NID2: variants seen among roughly 807,000 people sequenced by gnomAD.
The protein encoded by NID2 is nidogen-2.
NID2 carries 83 observed loss-of-function variants against 145.4 expected under a neutral mutation model. The ratio of observed to expected loss-of-function variants is 0.57; its 90% CI spans 0.48 to 0.69. The LOEUF (loss-of-function observed/expected upper bound fraction) is 0.69. Ranked by LOEUF, NID2 falls within the 30% of genes least tolerant of loss-of-function variation. The pLI, the probability that NID2 is intolerant of heterozygous loss-of-function variation, is 0.00. For synonymous variants in NID2, 739 were observed against 701.3 expected (o/e 1.05, Z -0.85); for missense variants, 1,807 against 1,765.7 (o/e 1.02, Z -0.42).
rs149341928 is a variant in NID2 at position 52,010,957 on chromosome 14, A to G, written c.3641T>C (p.Leu1214Pro). ...DSVLDKIESA[L>P]LDGSERKVLF... ...GACCTTGCGCTCAGAGCCATCCAGC[A>G]GGGCGCTCTCTATCTTATCCAGGAC... The change falls in exon 18 of 22, where the codon CTG (leucine) becomes CCG (proline). Residue 1214 changes from leucine (L) to proline (P), a missense_variant. Transcript: ENST00000216286. The G allele has an allele frequency of 2.5e-6, 4 of 1,614,034 alleles. No individual in the cohort carries two copies. In the African/African-American group the frequency reaches 4.0e-5, roughly 16 times the overall value.
chr14:52,006,655 T>C lies in NID2; in HGVS notation c.3886A>G (p.Lys1296Glu). The change falls in exon 20 of 22, where the codon AAA (lysine) becomes GAA (glutamate). Residue 1296 changes from lysine (K) to glutamate (E), a missense_variant. By Grantham distance (56) the Lys-to-Glu change is moderately conservative (BLOSUM62 1). Transcript: ENST00000216286. ...TCAGGTAGTGTACACTCCAGTTTTT[T>C]GGTTCCTTTTAAAACAAAGGGGGAA... is the stretch of plus-strand genomic sequence containing the variant. The part of the protein sequence containing the change: ...KLLCWADAGT[K>E]KLECTLPDGT... The C allele has an allele frequency of 6.2e-7, 1 of 1,613,374 alleles. No individual in the cohort carries two copies. Among genetic ancestry groups the C allele is most frequent in the Non-Finnish European group, 8.5e-7 (1 of 1,179,528 alleles).
intron 12 of NID2, among the ~76,000 whole-genome samples, chr14:52,026,557 T>C (rs1891593811): frequency 1.3e-5 from 2 of 152,260 alleles, no homozygotes; most frequent in Admixed American, 6.5e-5. Flanking sequence ...TGATTTCTAT[T>C]TTAAAGTACT....
chr14:52,014,065 G>A, intron 16 of NID2: 1 of 608,678 alleles, frequency 1.6e-6, no homozygotes, highest in South Asian at 1.9e-5. Flanking sequence ...GAAACTCCAT[G>A]AACGAACCAG....
chr14:52,006,455 G>A, intron 20 of NID2, 82 bp downstream of exon 20: 1 of 1,514,456 alleles, frequency 6.6e-7, no homozygotes, highest in South Asian at 1.2e-5. Context: ...GTCAAGTCAG[G>A]TACTGACTTT....
At chr14:52,023,839 CT>C (rs1356483449) in intron 12 of NID2, among the ~76,000 whole-genome samples, 5 of 152,206 alleles carry the variant, frequency 3.3e-5, no homozygotes, top group Admixed American at 3.3e-4. Context: ...AGTGCAGCCT[CT>C]CCAGGGAGCC....
intron 18 of NID2, 78 bp downstream of exon 18, chr14:52,010,798 C>T: frequency 7.1e-7 from 1 of 1,417,926 alleles, no homozygotes; most frequent in Non-Finnish European, 9.8e-7. Flanking sequence ...TTCTGACCTT[C>T]CCCACATTGT....
chr14:52,030,173 A>G, intron 9 of NID2, among the ~76,000 whole-genome samples: 1 of 152,174 alleles, frequency 6.6e-6, no homozygotes, highest in Admixed American at 6.5e-5. Flanking sequence ...TCTTACTAAA[A>G]TTCCCAATTT....
intron 10 of NID2, among the ~76,000 whole-genome samples, chr14:52,029,178 G>T (rs950479744): frequency 6.6e-6 from 1 of 151,854 alleles, no homozygotes; most frequent in South Asian, 2.1e-4. Flanking sequence ...TGCCTTTTGG[G>T]GATATAAGAC....
chr14:52,017,466 C>T (rs1043089685), intron 14 of NID2, among the ~76,000 whole-genome samples: 3 of 152,200 alleles, frequency 2.0e-5, no homozygotes, highest in African/African-American at 7.2e-5. Flanking sequence ...GGAAAAAGTC[C>T]GCACAAGAGA....
At chr14:52,068,738 G>T in intron 1 of NID2, 29 bp downstream of exon 1, 22 of 1,576,294 alleles carry the variant, frequency 1.4e-5, no homozygotes, top group Non-Finnish European at 1.6e-5. Context: ...GAAGCTGCGG[G>T]AAAAGTGCCA....
chr14:52,048,487 G>A (rs1003037403), intron 5 of NID2, among the ~76,000 whole-genome samples: 3 of 152,078 alleles, frequency 2.0e-5, no homozygotes, highest in Non-Finnish European at 2.9e-5. Context: ...TAGATGAGAT[G>A]TGCAATAAAC....
chr14:52,006,701 TTGCCAAAAATGATAGTGACATAGTG>T, intron 19 of NID2, 41 bp from the exon 20 acceptor site: 1 of 1,608,594 alleles, frequency 6.2e-7, no homozygotes. Flanking sequence ...TTCAGCTGCT[TTGCCAAAAATGATAGTGACATAGTG>T]ATAGTGACAC....
chr14:52,038,130 G>A (rs749867346), intron 9 of NID2, among the ~76,000 whole-genome samples: 1 of 152,104 alleles, frequency 6.6e-6, no homozygotes, highest in Non-Finnish European at 1.5e-5. Context: ...TTCTAGTACT[G>A]AATTGAATAA....
chr14:52,006,324 TTCG>T, intron 20 of NID2: 1 of 530,990 alleles, frequency 1.9e-6, no homozygotes, highest in Non-Finnish European at 3.4e-6. Context: ...AGCAATACCA[TTCG>T]ATTTCTGGGT....
chr14:52,011,831 A>G, intron 16 of NID2, 148 bp from the exon 17 acceptor site: 1 of 908,346 alleles, frequency 1.1e-6, no homozygotes, highest in Non-Finnish European at 1.7e-6. Flanking sequence ...ACATGTGGGC[A>G]CTCGGGTGAA....
chr14:52,014,409 C>T lies in NID2; in HGVS notation c.3298G>A (p.Asp1100Asn), dbSNP rs745381270. The T allele has an allele frequency of 6.2e-7, 1 of 1,614,094 alleles. No individual in the cohort carries two copies. ...PPMVRPTPRP[D>N]VTPPSVGTFL... ...GTGCCCACAGATGGAGGGGTCACAT[C>T]TGGCCGGGGCGTGGGCCGGACCATG... Residue 1100 changes from aspartate (D) to asparagine (N), a missense_variant, in exon 16 of 22, where the codon GAT becomes AAT. Physicochemically the swap from Asp to Asn is conservative, Grantham distance 23. Transcript: ENST00000216286.
intron 7 of NID2, among the ~76,000 whole-genome samples, chr14:52,041,889 G>A (rs1183828037): frequency 6.6e-6 from 1 of 152,190 alleles, no homozygotes; most frequent in African/African-American, 2.4e-5. Context: ...AGAACAGCTG[G>A]GAGAACATTT....
chr14:52,011,458 C>T, intron 17 of NID2, 96 bp downstream of exon 17: 2 of 1,519,380 alleles, frequency 1.3e-6, no homozygotes, highest in Admixed American at 3.5e-5. Context: ...TTAACCTCCC[C>T]TAATGGAGAA....
At position 52,033,218 on chromosome 14, in the gene NID2, G is replaced by T. The variant is rs543150573; in HGVS notation, c.2258-3528C>A. Among the ~76,000 whole-genome samples, 33 of 152,278 alleles carry T rather than the reference G, an allele frequency of 2.2e-4. 1 individual carries two copies. In the South Asian group the frequency reaches 4.1e-3, roughly 19 times the overall value. ...TAAACTGCCTGACTCTCTTAACAGA[G>T]GATCTGGAACTAATTTACTCATTTA... On this transcript the variant is annotated intron_variant, in intron 9 of 21. Coordinates refer to ENST00000216286, the MANE Select transcript of NID2 (RefSeq NM_007361.4).
Sources: allele counts gnomAD v4.1 joint callset (sites outside exome capture counted in the v4.1 genomes callset), GRCh38; gene constraint gnomAD v4.1.1; transcripts MANE v1.5; gene names NCBI Gene and HGNC (gene_info 2026-07-23, HGNC 2026-07-21).